Variants in NRXN3 observed in about 807,000 individuals in gnomAD.
NRXN3 encodes the protein neurexin 3.
NRXN3 carries 32 observed loss-of-function variants against 137.6 expected under a neutral mutation model. The ratio of observed to expected loss-of-function variants is 0.23; its 90% confidence interval spans 0.18 to 0.31. NRXN3 has a LOEUF of 0.31. NRXN3 is among the 10% of genes least tolerant of loss of function. The pLI, the probability that NRXN3 is intolerant of heterozygous loss-of-function variation, is 1.00. For synonymous variants in NRXN3, 798 were observed against 784.5 expected (o/e 1.02, Z -0.29); for missense variants, 1,574 against 2,062.5 (o/e 0.76, Z 4.59).
chr14:79,411,971 G>T (rs1225542998), intron 15 of NRXN3, among the ~76,000 whole-genome samples: 1 of 152,120 alleles, frequency 6.6e-6, no homozygotes, highest in Admixed American at 6.6e-5. Flanking sequence ...AATGGCATGT[G>T]ATTGATTTTA....
chr14:78,352,900 C>G (rs1006393758), intron 4 of NRXN3, among the ~76,000 whole-genome samples: 9 of 152,154 alleles, frequency 5.9e-5, no homozygotes, highest in African/African-American at 2.2e-4. Context: ...GTTTTGCTCC[C>G]CTCAAATCTG....
intron 8 of NRXN3, among the ~76,000 whole-genome samples, chr14:78,740,186 G>A (rs181904348): frequency 2.3e-3 from 356 of 152,264 alleles, no homozygotes; most frequent in African/African-American, 8.4e-3. Flanking sequence ...TCTAGTTTTA[G>A]AAGTTTTTCT....
At chr14:78,221,965 C>A (rs1383408627) in intron 1 of NRXN3, among the ~76,000 whole-genome samples, 1 of 152,110 alleles carries the variant, frequency 6.6e-6, no homozygotes, top group African/African-American at 2.4e-5. Context: ...TATTTCTGAA[C>A]AGTAACATAA....
At chr14:78,828,637 A>G (rs2098973573) in intron 10 of NRXN3, among the ~76,000 whole-genome samples, 2 of 152,220 alleles carry the variant, frequency 1.3e-5, no homozygotes, top group South Asian at 4.1e-4. Flanking sequence ...TAGGACCCTA[A>G]GAGAGGTACA....
chr14:79,793,211 C>T (rs1282627567), intron 19 of NRXN3, among the ~76,000 whole-genome samples: 1 of 152,046 alleles, frequency 6.6e-6, no homozygotes, highest in Non-Finnish European at 1.5e-5. Flanking sequence ...GCGGGCGGAT[C>T]ACGAGGTCAG....
intron 4 of NRXN3, among the ~76,000 whole-genome samples, chr14:78,492,515 A>T (rs1286008658): frequency 6.6e-6 from 1 of 152,166 alleles, no homozygotes; most frequent in East Asian, 1.9e-4. Context: ...TAGATATATT[A>T]GTTTTAGTAT....
Position 79,027,515 on chromosome 14 carries a change from T to C in NRXN3, c.3262+39374T>C, listed in dbSNP as rs933344065. 2.6e-5 allele frequency among the ~76,000 whole-genome samples: 4 copies of C among 152,280 alleles called. No individual in the cohort carries two copies. The South Asian group carries it at 8.3e-4, about 32-fold the overall frequency. Reference sequence around the variant, plus strand: ...TTCGAGTTGCTAGTTATAATGCCAGTGCAGGTTAATACAAATTGAAGGTTG... The same window carrying C: ...TTCGAGTTGCTAGTTATAATGCCAGCGCAGGTTAATACAAATTGAAGGTTG... On this transcript the variant is annotated intron_variant, in intron 15 of 20. Coordinates refer to ENST00000335750, the MANE Select transcript of NRXN3 (RefSeq NM_001330195.2).
intron 4 of NRXN3, among the ~76,000 whole-genome samples, chr14:78,605,729 C>T (rs1451601475): frequency 6.6e-6 from 1 of 151,742 alleles, no homozygotes; most frequent in Non-Finnish European, 1.5e-5. Flanking sequence ...AAAAATAAAA[C>T]AAAAAGAAGA....
intron 4 of NRXN3, among the ~76,000 whole-genome samples, chr14:78,543,268 T>C (rs1053161226): frequency 6.6e-6 from 1 of 152,142 alleles, no homozygotes; most frequent in African/African-American, 2.4e-5. Context: ...ATAAATGAAG[T>C]CCATAAAGTC....
intron 15 of NRXN3, among the ~76,000 whole-genome samples, chr14:79,359,977 A>G (rs1032774351): frequency 2.0e-5 from 3 of 152,190 alleles, no homozygotes; most frequent in African/African-American, 7.2e-5. Flanking sequence ...ACCTAAAACG[A>G]AAATACTTGG....
At chr14:79,399,191 C>T (rs1260081541) in intron 15 of NRXN3, among the ~76,000 whole-genome samples, 1 of 152,096 alleles carries the variant, frequency 6.6e-6, no homozygotes, top group East Asian at 1.9e-4. Flanking sequence ...TGCCAATATG[C>T]CATCCTCATA....
At chr14:78,980,518 A>G (rs2099486737) in intron 14 of NRXN3, among the ~76,000 whole-genome samples, 1 of 152,182 alleles carries the variant, frequency 6.6e-6, no homozygotes, top group Non-Finnish European at 1.5e-5. Context: ...AAAATACTCT[A>G]TCAACTTTGG....
chr14:79,634,323 G>A (rs1437733510), intron 16 of NRXN3, among the ~76,000 whole-genome samples: 1 of 152,228 alleles, frequency 6.6e-6, no homozygotes, highest in Non-Finnish European at 1.5e-5. Flanking sequence ...GAGAGAGAGA[G>A]AGAGAGGAGA....
intron 15 of NRXN3, chr14:79,281,897 G>C (rs1009040140): frequency 1.3e-5 from 2 of 152,180 alleles, no homozygotes; most frequent in East Asian, 1.9e-4. Context: ...GCTTTATGCT[G>C]TCTGTAGTGT....
intron 15 of NRXN3, among the ~76,000 whole-genome samples, chr14:79,005,812 ATT>A (rs2099551364): frequency 2.0e-5 from 3 of 151,628 alleles, no homozygotes; most frequent in Non-Finnish European, 2.9e-5. Context: ...GGACTATGTG[ATT>A]ATTTTACTTG....
chr14:78,724,878 G>A (rs963857424), intron 8 of NRXN3, among the ~76,000 whole-genome samples: 1 of 152,138 alleles, frequency 6.6e-6, no homozygotes, highest in African/African-American at 2.4e-5. Context: ...AGGATACTGG[G>A]GTGACAAGTA....
intron 15 of NRXN3, among the ~76,000 whole-genome samples, chr14:79,014,440 C>A (rs1156791242): frequency 6.6e-6 from 1 of 152,138 alleles, no homozygotes; most frequent in Non-Finnish European, 1.5e-5. Flanking sequence ...TGATCTCATT[C>A]TTTTTATGGC....
chr14:78,687,184 A>G (rs776836485), intron 6 of NRXN3, among the ~76,000 whole-genome samples: 1 of 152,214 alleles, frequency 6.6e-6, no homozygotes, highest in East Asian at 1.9e-4. Flanking sequence ...CAAGTTATAT[A>G]AAGCCTTTAA....
intron 8 of NRXN3, among the ~76,000 whole-genome samples, chr14:78,731,952 C>A (rs962628666): frequency 9.4e-5 from 2 of 21,178 alleles, no homozygotes; most frequent in South Asian, 1.4e-3. Context: ...GAACAAGCCA[C>A]CCCACAACTT....
Sources: allele counts gnomAD v4.1 joint callset (sites outside exome capture counted in the v4.1 genomes callset), GRCh38; gene constraint gnomAD v4.1.1; transcripts MANE v1.5; gene names NCBI Gene and HGNC (gene_info 2026-07-23, HGNC 2026-07-21).